The following ARHGAP26 variants were observed in gnomAD, a reference collection of about 807,000 sequenced individuals.
ARHGAP26 encodes the protein Rho GTPase activating protein 26.
A neutral mutation model predicts 104.8 loss-of-function variants in ARHGAP26; 38 were observed. The observed-to-expected ratio is 0.36, with a 90% CI of 0.28 to 0.48. The LOEUF is 0.48. ARHGAP26 is among the 20% of genes least tolerant of loss of function. The pLI, the probability that ARHGAP26 is intolerant of heterozygous loss-of-function variation, is 0.99. For missense variants in ARHGAP26, 704 were observed against 947.9 expected (o/e 0.74, Z 3.38); for synonymous variants, 341 against 340.0 (o/e 1.00, Z -0.03).
intron 21 of ARHGAP26, among the ~76,000 whole-genome samples, chr5:143,208,194 AAG>A (rs1808889504): frequency 6.6e-6 from 1 of 152,088 alleles, no homozygotes; most frequent in African/African-American, 2.4e-5. Flanking sequence ...GGGAAAAAAA[AAG>A]AGCTCTTTAC....
intron 20 of ARHGAP26, among the ~76,000 whole-genome samples, chr5:143,149,964 AGT>A (rs1245711686): frequency 1.3e-5 from 2 of 152,210 alleles, no homozygotes; most frequent in Non-Finnish European, 1.5e-5. Context: ...CTCATAATAC[AGT>A]GGTACCTCTG....
intron 1 of ARHGAP26, among the ~76,000 whole-genome samples, chr5:142,791,785 G>A (rs1759870582): frequency 6.6e-6 from 1 of 151,950 alleles, no homozygotes; most frequent in Non-Finnish European, 1.5e-5. Flanking sequence ...CCAACATGGT[G>A]AAACCCCGTC....
intron 12 of ARHGAP26, among the ~76,000 whole-genome samples, chr5:143,028,639 A>G (rs1359350664): frequency 6.6e-6 from 1 of 152,206 alleles, no homozygotes; most frequent in African/African-American, 2.4e-5. Context: ...TGACCCTCGT[A>G]GCATCCTGTT....
At chr5:143,164,684 T>C (rs915427792) in intron 20 of ARHGAP26, among the ~76,000 whole-genome samples, 3 of 152,246 alleles carry the variant, frequency 2.0e-5, no homozygotes, top group South Asian at 4.1e-4. Flanking sequence ...GTATTTTGAC[T>C]ATAGCTAGCT....
At chr5:143,056,214 A>G (rs565419348) in intron 16 of ARHGAP26, 128 bp downstream of exon 16, 2 of 697,074 alleles carry the variant, frequency 2.9e-6, no homozygotes, top group South Asian at 3.8e-5. Flanking sequence ...CACATAACAT[A>G]CTCATGAGAT....
intron 20 of ARHGAP26, among the ~76,000 whole-genome samples, chr5:143,150,824 A>G (rs572477641): frequency 2.6e-4 from 39 of 152,358 alleles, no homozygotes; most frequent in Middle Eastern, 3.4e-3. Context: ...AAACCTCTAG[A>G]AGATAACATA....
At chr5:143,014,000 A>G (rs568832313) in intron 11 of ARHGAP26, 80 bp from the exon 12 acceptor site, 3 of 1,411,994 alleles carry the variant, frequency 2.1e-6, no homozygotes, top group East Asian at 2.4e-5. Context: ...AGGGAAAGTG[A>G]GGAAGATAAT....
At chr5:143,172,043 G>A (rs1330404106) in intron 20 of ARHGAP26, among the ~76,000 whole-genome samples, 4 of 152,156 alleles carry the variant, frequency 2.6e-5, no homozygotes, top group Non-Finnish European at 5.9e-5. Flanking sequence ...CTCAAAATCT[G>A]TGCAGGCAAC....
intron 11 of ARHGAP26, among the ~76,000 whole-genome samples, chr5:142,976,512 G>A (rs1255973372): frequency 6.6e-6 from 1 of 152,142 alleles, no homozygotes; most frequent in Non-Finnish European, 1.5e-5. Context: ...CTACATTTTT[G>A]TATAGTCTCA....
At chr5:143,031,761 C>T (rs754821328) in intron 12 of ARHGAP26, among the ~76,000 whole-genome samples, 72 of 152,020 alleles carry the variant, frequency 4.7e-4, no homozygotes, top group Non-Finnish European at 9.0e-4. Flanking sequence ...GACAGTCTTG[C>T]CCAGGCTGGA....
chr5:142,920,547 A>T (rs1000974716), intron 10 of ARHGAP26, among the ~76,000 whole-genome samples: 7 of 152,304 alleles, frequency 4.6e-5, no homozygotes, highest in African/African-American at 1.4e-4. Flanking sequence ...GGCAGTGTTT[A>T]CACTGGGGAA....
At chr5:143,173,000 T>G (rs898220895) in intron 20 of ARHGAP26, 5 of 180,872 alleles carry the variant, frequency 2.8e-5, no homozygotes, top group African/African-American at 1.2e-4. Context: ...GTCTACGGCA[T>G]GCCAGGATAC....
intron 20 of ARHGAP26, among the ~76,000 whole-genome samples, chr5:143,179,033 C>T (rs1199918113): frequency 1.3e-5 from 2 of 152,144 alleles, no homozygotes; most frequent in Non-Finnish European, 2.9e-5. Flanking sequence ...CCACACCTGG[C>T]TAATTTTTAT....
intron 1 of ARHGAP26, among the ~76,000 whole-genome samples, chr5:142,778,470 C>G (rs1756816754): frequency 6.6e-6 from 1 of 152,080 alleles, no homozygotes; most frequent in South Asian, 2.1e-4. Context: ...TGGGATTATA[C>G]TATAAGGATT....
intron 12 of ARHGAP26, among the ~76,000 whole-genome samples, chr5:143,015,845 G>A (rs1260535919): frequency 6.6e-6 from 1 of 152,184 alleles, no homozygotes; most frequent in East Asian, 1.9e-4. Flanking sequence ...AGATTTGAAG[G>A]ACAACCATGG....
At chr5:143,207,719 C>G (rs1383933416) in intron 21 of ARHGAP26, among the ~76,000 whole-genome samples, 1 of 152,234 alleles carries the variant, frequency 6.6e-6, no homozygotes, top group African/African-American at 2.4e-5. Context: ...GTTTTGATGG[C>G]TCTCTCAATT....
chr5:143,166,139 A>G (rs1801910916), intron 20 of ARHGAP26: 2 of 1,272,602 alleles, frequency 1.6e-6, no homozygotes, highest in African/African-American at 3.1e-5. Context: ...TCATATCTCA[A>G]TTAAAGAATA....
At chr5:142,822,539 A>G (rs1421004283) in intron 1 of ARHGAP26, among the ~76,000 whole-genome samples, 1 of 152,180 alleles carries the variant, frequency 6.6e-6, no homozygotes, top group Non-Finnish European at 1.5e-5. Context: ...ATACATACAC[A>G]AATACACACA....
chr5:143,177,027 A>G (rs1803560841), intron 20 of ARHGAP26, among the ~76,000 whole-genome samples: 1 of 152,222 alleles, frequency 6.6e-6, no homozygotes, highest in South Asian at 2.1e-4. Context: ...ATTACTTTGA[A>G]CAAGCCATTT....
Sources: allele counts gnomAD v4.1 joint callset (sites outside exome capture counted in the v4.1 genomes callset), GRCh38; gene constraint gnomAD v4.1.1; transcripts MANE v1.5; gene names NCBI Gene and HGNC (gene_info 2026-07-23, HGNC 2026-07-21).